Variants in PRKD1 observed in about 807,000 individuals in gnomAD.
PRKD1 encodes protein kinase D1.
A neutral mutation model predicts 95.9 loss-of-function variants in PRKD1; 63 were observed. That is an observed-to-expected ratio of 0.66 (90% CI 0.54 to 0.81). PRKD1 has a LOEUF of 0.81. Among genes scored for constraint, PRKD1 ranks in the 30% least tolerant of loss-of-function variants. The pLI, the probability that PRKD1 is intolerant of heterozygous loss-of-function variation, is 0.00. For missense variants in PRKD1, 1,048 were observed against 1,165.3 expected, an observed-to-expected ratio of 0.90 and a Z score of 1.47; for synonymous variants, 425 against 423.1, an observed-to-expected ratio of 1.00 and a Z score of -0.05.
chr14:29,843,013 G>T (rs1185326546), intron 1 of PRKD1, among the ~76,000 whole-genome samples: 1 of 152,162 alleles, frequency 6.6e-6, no homozygotes, highest in Non-Finnish European at 1.5e-5. Context: ...GCCGGCCAGA[G>T]AAATAGAAGG....
chr14:29,693,651 C>CAAAA (rs201168452), intron 2 of PRKD1, among the ~76,000 whole-genome samples: 4 of 133,500 alleles, frequency 3.0e-5, no homozygotes, highest in Non-Finnish European at 4.8e-5. Flanking sequence ...ACAACAACAA[C>CAAAA]AAAAAAAAAA....
intron 1 of PRKD1, among the ~76,000 whole-genome samples, chr14:29,801,072 T>C (rs547979052): frequency 3.3e-5 from 5 of 152,146 alleles, no homozygotes; most frequent in Non-Finnish European, 5.9e-5. Flanking sequence ...CCCAAGTGTG[T>C]GTGTGTGTGT....
At chr14:29,589,187 A>G (rs959879776) in intron 16 of PRKD1, among the ~76,000 whole-genome samples, 1 of 152,214 alleles carries the variant, frequency 6.6e-6, no homozygotes, top group African/African-American at 2.4e-5. Context: ...TGAACACATC[A>G]GTTCAATTTG....
At chr14:29,912,129 G>A (rs1162075542) in intron 1 of PRKD1, among the ~76,000 whole-genome samples, 3 of 152,094 alleles carry the variant, frequency 2.0e-5, no homozygotes, top group Admixed American at 6.6e-5. Flanking sequence ...GGTCTTATGC[G>A]ATTGGACTGG....
At chr14:29,878,560 G>C (rs542460568) in intron 1 of PRKD1, among the ~76,000 whole-genome samples, 5 of 152,250 alleles carry the variant, frequency 3.3e-5, no homozygotes, top group African/African-American at 1.2e-4. Context: ...AGAGAAGGGA[G>C]TATTATTCAA....
chr14:29,654,517 G>A (rs567107227), intron 4 of PRKD1, among the ~76,000 whole-genome samples: 38 of 151,936 alleles, frequency 2.5e-4, no homozygotes, highest in African/African-American at 8.0e-4. Context: ...TTACAAATAC[G>A]CAAAAAATAG....
chr14:29,759,321 C>T (rs1594490918), intron 1 of PRKD1, among the ~76,000 whole-genome samples: 1 of 152,170 alleles, frequency 6.6e-6, no homozygotes, highest in East Asian at 1.9e-4. Context: ...AAGAGCATGT[C>T]AATCACCTGG....
At chr14:29,654,673 A>G (rs1881733618) in intron 4 of PRKD1, among the ~76,000 whole-genome samples, 1 of 152,164 alleles carries the variant, frequency 6.6e-6, no homozygotes, top group African/African-American at 2.4e-5. Flanking sequence ...TATATGGTTT[A>G]CCTATGCAAG....
intron 1 of PRKD1, among the ~76,000 whole-genome samples, chr14:29,760,392 G>A (rs1271295081): frequency 7.7e-6 from 1 of 129,560 alleles, no homozygotes; most frequent in Non-Finnish European, 1.5e-5. Context: ...GTCTTGCTCC[G>A]TTGTGCAGGC....
In PRKD1 at chr14:29,773,459, C is replaced by CAAA. The variant is rs397798361; in HGVS notation, c.265-47788_265-47786dup. On this transcript the variant is annotated intron_variant, in intron 1 of 17. Coordinates refer to ENST00000331968, the MANE Select transcript of PRKD1 (RefSeq NM_002742.3). Reference sequence around the variant, plus strand: ...TGGATGACAGAGCGAGGCTCTGTCTCAAAAAAAAAAAAAAAAAGGAGTAAA... The same window carrying CAAA: ...TGGATGACAGAGCGAGGCTCTGTCTCAAAAAAAAAAAAAAAAAAAAGGAGTAAA... Among the ~76,000 whole-genome samples the CAAA allele has an allele frequency of 4.4e-3, 386 of 86,780 alleles. 3 individuals carry two copies. The highest frequency in any genetic ancestry group is 0.014 in the African/African-American group (350 of 25,180). 56.9% of individuals were successfully genotyped at this position (86,780 alleles called of 152,430 possible).
At chr14:29,767,020 T>C (rs1888288525) in intron 1 of PRKD1, among the ~76,000 whole-genome samples, 1 of 152,190 alleles carries the variant, frequency 6.6e-6, no homozygotes, top group Non-Finnish European at 1.5e-5. Context: ...GAATGGCTTA[T>C]ATTCCTTATC....
chr14:29,599,539 T>C (rs370551672), intron 14 of PRKD1, 117 bp downstream of exon 14: 306 of 936,874 alleles, frequency 3.3e-4, no homozygotes, highest in Non-Finnish European at 4.1e-4. Flanking sequence ...CAACCTTTTC[T>C]AGTGTAGTTT....
At chr14:29,831,572 G>A (rs796358350) in intron 1 of PRKD1, among the ~76,000 whole-genome samples, 70 of 151,618 alleles carry the variant, frequency 4.6e-4, no homozygotes, top group African/African-American at 1.2e-3. Flanking sequence ...AGGTTCAAGC[G>A]ATTCTCCTGT....
At chr14:29,580,685 T>G (rs866544218) in intron 16 of PRKD1, among the ~76,000 whole-genome samples, 1 of 152,270 alleles carries the variant, frequency 6.6e-6, no homozygotes, top group Admixed American at 6.5e-5. Context: ...CAGCATTAAC[T>G]ATACCATCCA....
intron 1 of PRKD1, among the ~76,000 whole-genome samples, chr14:29,908,080 T>C (rs1894555550): frequency 6.7e-6 from 1 of 150,174 alleles, no homozygotes; most frequent in African/African-American, 2.5e-5. Flanking sequence ...TTATTGAATC[T>C]AACAGTTTAT....
At chr14:29,660,844 T>G (rs1353244937) in intron 4 of PRKD1, among the ~76,000 whole-genome samples, 3 of 152,168 alleles carry the variant, frequency 2.0e-5, no homozygotes, top group Non-Finnish European at 4.4e-5. Context: ...TAGATAATGA[T>G]ACAGTGTATT....
chr14:29,869,669 G>T (rs888002474), intron 1 of PRKD1, among the ~76,000 whole-genome samples: 3 of 152,022 alleles, frequency 2.0e-5, no homozygotes, highest in Admixed American at 6.6e-5. Flanking sequence ...ATATTTCTTG[G>T]GGACTTTACT....
At chr14:29,735,690 G>A (rs79609985) in intron 1 of PRKD1, among the ~76,000 whole-genome samples, 2 of 152,182 alleles carry the variant, frequency 1.3e-5, no homozygotes, top group Admixed American at 6.5e-5. Flanking sequence ...TTCCAGTGCC[G>A]TCTGATGTCA....
At chr14:29,772,557 T>G (rs993191122) in intron 1 of PRKD1, among the ~76,000 whole-genome samples, 13 of 152,240 alleles carry the variant, frequency 8.5e-5, no homozygotes, top group African/African-American at 3.1e-4. Flanking sequence ...TTTATGTGTA[T>G]GAGTATACAT....
Sources: allele counts gnomAD v4.1 joint callset (sites outside exome capture counted in the v4.1 genomes callset), GRCh38; gene constraint gnomAD v4.1.1; transcripts MANE v1.5; gene names NCBI Gene and HGNC (gene_info 2026-07-23, HGNC 2026-07-21).